The following KCNK1 variants were observed in gnomAD, a reference collection of about 807,000 sequenced individuals.
KCNK1 encodes the protein potassium channel subfamily K member 1.
A neutral mutation model predicts 22.2 loss-of-function variants in KCNK1; 10 were observed. That is an observed-to-expected ratio of 0.45 (90% CI 0.28 to 0.76). The LOEUF (loss-of-function observed/expected upper bound fraction) is 0.76, where lower values mean the gene tolerates loss of function less well. Ranked by LOEUF, KCNK1 falls within the 30% of genes least tolerant of loss-of-function variation. The probability of loss-of-function intolerance (pLI) is 0.14; values close to 1 mark genes in which losing one functional copy is unlikely to be tolerated. For synonymous variants in KCNK1, 200 were observed against 186.4 expected (o/e 1.07, Z -0.60); for missense variants, 378 against 421.0 (o/e 0.90, Z 0.89).
chr1:233,641,364 G>A (rs1242150162), intron 1 of KCNK1, among the ~76,000 whole-genome samples: 2 of 152,180 alleles, frequency 1.3e-5, no homozygotes, highest in African/African-American at 2.4e-5. Context: ...CAGGGTTTCA[G>A]GGTTAGAGAT....
chr1:233,662,017 T>A (rs1309627642), intron 1 of KCNK1: 1 of 152,182 alleles, frequency 6.6e-6, no homozygotes, highest in African/African-American at 2.4e-5. Context: ...AGCACTGTGT[T>A]TGGGGATCCT....
intron 1 of KCNK1, among the ~76,000 whole-genome samples, chr1:233,659,445 T>A (rs746850723): frequency 2.0e-5 from 3 of 149,912 alleles, no homozygotes; most frequent in Non-Finnish European, 4.4e-5. Flanking sequence ...TTAAAAAAAA[T>A]GTCAAATGTA....
intron 1 of KCNK1, among the ~76,000 whole-genome samples, chr1:233,654,741 C>T (rs1658260801): frequency 6.6e-6 from 1 of 152,008 alleles, no homozygotes; most frequent in African/African-American, 2.4e-5. Flanking sequence ...AGTGAGAGTC[C>T]ATCTCTTAAA....
chr1:233,639,059 C>T (rs1657960466), intron 1 of KCNK1, among the ~76,000 whole-genome samples: 2 of 152,144 alleles, frequency 1.3e-5, no homozygotes, highest in Non-Finnish European at 2.9e-5. Flanking sequence ...GTGGGTTTGT[C>T]CTGGCTGATG....
intron 1 of KCNK1, among the ~76,000 whole-genome samples, chr1:233,651,610 A>G (rs1476004568): frequency 6.6e-6 from 1 of 152,254 alleles, no homozygotes; most frequent in Admixed American, 6.5e-5. Context: ...ATACTAGAAC[A>G]TAGTATATGA....
chr1:233,648,184 C>G (rs942143218), intron 1 of KCNK1, among the ~76,000 whole-genome samples: 1 of 152,170 alleles, frequency 6.6e-6, no homozygotes. Flanking sequence ...ACTTGTAGTA[C>G]TGTCTCTATA....
In KCNK1 at chr1:233,666,723, C is replaced by T. The variant is rs1313992317; in HGVS notation, c.484C>T (p.Arg162Cys). 6.2e-6 allele frequency: 10 copies of T among 1,614,114 alleles called. No homozygotes were observed. The highest frequency in any genetic ancestry group is 1.6e-4 in the Middle Eastern group (1 of 6,062). ...VVQRITVHVT[R>C]RPVLYFHIRW... ...CCAGCGCATCACCGTGCACGTCACCCGCAGGCCGGTCCTCTACTTCCACAT... is the reference window on the plus strand; with the variant it reads ...CCAGCGCATCACCGTGCACGTCACCTGCAGGCCGGTCCTCTACTTCCACAT... Residue 162 changes from arginine (R) to cysteine (C), a missense_variant, in exon 2 of 3, where the codon CGC becomes TGC. Transcript: ENST00000366621.
At chr1:233,667,285 C>T (rs1041715847) in intron 2 of KCNK1, among the ~76,000 whole-genome samples, 4 of 152,288 alleles carry the variant, frequency 2.6e-5, no homozygotes, top group South Asian at 2.1e-4. Flanking sequence ...AGAAGTTTTC[C>T]GAATTTACCA....
At chr1:233,665,542 A>G (rs1160315531) in intron 1 of KCNK1, among the ~76,000 whole-genome samples, 1 of 145,578 alleles carries the variant, frequency 6.9e-6, no homozygotes, top group Non-Finnish European at 1.5e-5. Flanking sequence ...ACAAAGTAAC[A>G]TATAACATCA....
At chr1:233,631,473 G>A (rs536633366) in intron 1 of KCNK1, 2 of 360,346 alleles carry the variant, frequency 5.6e-6, no homozygotes, top group East Asian at 1.5e-4. Flanking sequence ...CTGGTATCTT[G>A]AAGAATGTGC....
At chr1:233,629,002 A>G (rs955760837) in intron 1 of KCNK1, among the ~76,000 whole-genome samples, 5 of 152,176 alleles carry the variant, frequency 3.3e-5, no homozygotes, top group African/African-American at 7.2e-5. Flanking sequence ...CAGCTATACA[A>G]TGAAAAGGCT....
chr1:233,658,768 C>T (rs888436223), intron 1 of KCNK1, among the ~76,000 whole-genome samples: 1 of 152,100 alleles, frequency 6.6e-6, no homozygotes, highest in East Asian at 1.9e-4. Context: ...TAAATATATC[C>T]AAACCTAGAA....
intron 1 of KCNK1, chr1:233,650,176 C>T: frequency 2.6e-6 from 1 of 386,134 alleles, no homozygotes; most frequent in Non-Finnish European, 5.3e-6. Flanking sequence ...AGAATGTGAT[C>T]TTGGTGAGCA....
chr1:233,622,899 T>C (rs1657616296), intron 1 of KCNK1, among the ~76,000 whole-genome samples: 1 of 152,210 alleles, frequency 6.6e-6, no homozygotes, highest in African/African-American at 2.4e-5. Context: ...CTTTTTGCAT[T>C]AGCTCCTCTG....
chr1:233,652,488 A>T (rs979006496), intron 1 of KCNK1, among the ~76,000 whole-genome samples: 1 of 152,188 alleles, frequency 6.6e-6, no homozygotes, highest in African/African-American at 2.4e-5. Flanking sequence ...ATGCATACTT[A>T]TCTGAAAGAG....
At chr1:233,662,157 C>G (rs754628396) in intron 1 of KCNK1, among the ~76,000 whole-genome samples, 2 of 152,136 alleles carry the variant, frequency 1.3e-5, no homozygotes, top group African/African-American at 2.4e-5. Context: ...GGAAACATTG[C>G]GACTGATTTC....
rs183185613 is a variant in KCNK1, at chr1:233,634,859, A to C, written c.355+20333A>C. On this transcript the variant is annotated intron_variant, in intron 1 of 2. Transcript: ENST00000366621. ...TTCAATTTGCCAGTATGTCCTGCTG[A>C]GGCATATGAGTATGAAGTGGTCATT... Among the ~76,000 whole-genome samples, 9 of 152,350 alleles carry C rather than the reference A, an allele frequency of 5.9e-5. No individual in the cohort carries two copies. The East Asian group carries it at 1.7e-3, about 29-fold the overall frequency.
intron 1 of KCNK1, among the ~76,000 whole-genome samples, chr1:233,641,592 A>T (rs949416827): frequency 9.9e-5 from 15 of 152,222 alleles, no homozygotes; most frequent in African/African-American, 3.6e-4. Flanking sequence ...TTAACACGGC[A>T]GGGTCCTGTT....
intron 1 of KCNK1, among the ~76,000 whole-genome samples, chr1:233,650,802 A>AG (rs1173822855): frequency 6.6e-6 from 1 of 151,818 alleles, no homozygotes; most frequent in Non-Finnish European, 1.5e-5. Context: ...ACAATAGAAA[A>AG]AAAAAAAAAA....
Sources: gnomAD v4.1 joint callset for allele counts (sites outside exome capture counted in the v4.1 genomes callset) on GRCh38, gnomAD v4.1.1 for gene constraint, MANE v1.5 for transcripts, NCBI Gene and HGNC (gene_info 2026-07-23, HGNC 2026-07-21) for gene names.